Variants in LSM14A observed in about 807,000 individuals in gnomAD.
LSM14A encodes LSM14A mRNA processing body assembly factor, also known as protein LSM14 homolog A.
LSM14A carries 14 observed loss-of-function variants against 52.4 expected under a neutral mutation model. The ratio of observed to expected loss-of-function variants is 0.27; its 90% CI spans 0.18 to 0.42. The LOEUF (loss-of-function observed/expected upper bound fraction) is 0.42, where lower values mean the gene tolerates loss of function less well. Among genes scored for constraint, LSM14A ranks in the 10% least tolerant of loss-of-function variants. The pLI, the probability that LSM14A is intolerant of heterozygous loss-of-function variation, is 1.00. For missense variants in LSM14A, 417 were observed against 581.8 expected (o/e 0.72, Z 2.91); for synonymous variants, 185 against 200.3 (o/e 0.92, Z 0.64).
chr19:34,202,052 G>C (rs1337937433), intron 3 of LSM14A, among the ~76,000 whole-genome samples: 1 of 149,294 alleles, frequency 6.7e-6, no homozygotes, highest in African/African-American at 2.5e-5. Context: ...GAACTCCTGG[G>C]TTCAGTCTGC....
Position 34,172,674 on chromosome 19 carries a change from A to G in LSM14A, c.32A>G (p.Lys11Arg). 1.9e-6 allele frequency: 3 copies of G among 1,579,724 alleles called. No individual in the cohort carries two copies. Among genetic ancestry groups the G allele is most frequent in the East Asian group, 2.5e-5 (1 of 40,394 alleles). Residue 11 changes from lysine to arginine, a missense_variant, in exon 1 of 10, where the codon AAG becomes AGG. Transcript: ENST00000544216. MSGGTPYIGS[K>R]ISLISKAEIR... ...GGGGGCACCCCTTACATCGGCAGCA[A>G]GATCAGCCTCATCTCCAAGGCGGAG...
chr19:34,198,300 A>G (rs185658089), intron 3 of LSM14A, among the ~76,000 whole-genome samples: 16 of 131,844 alleles, frequency 1.2e-4, no homozygotes, highest in Admixed American at 1.0e-3. Flanking sequence ...AAAATAACAA[A>G]GAATGGCAAA....
intron 1 of LSM14A, among the ~76,000 whole-genome samples, chr19:34,184,129 C>T (rs1463750832): frequency 1.3e-5 from 2 of 149,414 alleles, no homozygotes; most frequent in Non-Finnish European, 3.0e-5. Context: ...AATCTTGGCT[C>T]ACTGCAGCTT....
intron 9 of LSM14A, chr19:34,222,040 A>C (rs2073096912): frequency 6.1e-6 from 1 of 164,728 alleles, no homozygotes; most frequent in Non-Finnish European, 1.3e-5. Context: ...AATAGCAGTT[A>C]ACATTTATAT....
chr19:34,173,687 C>G (rs140427890), intron 1 of LSM14A, among the ~76,000 whole-genome samples: 50 of 152,174 alleles, frequency 3.3e-4, no homozygotes, highest in Non-Finnish European at 5.6e-4. Flanking sequence ...GCTCCTGAAT[C>G]TTAAAGGAAA....
At chr19:34,226,768 C>T (rs576964024) in intron 9 of LSM14A, among the ~76,000 whole-genome samples, 17 of 152,268 alleles carry the variant, frequency 1.1e-4, no homozygotes, top group East Asian at 7.7e-4. Context: ...GGGTCAGTCT[C>T]TCTGGAAATC....
At chr19:34,209,548 T>C (rs1383277452) in intron 4 of LSM14A, among the ~76,000 whole-genome samples, 1 of 152,230 alleles carries the variant, frequency 6.6e-6, no homozygotes, top group Non-Finnish European at 1.5e-5. Context: ...TCAGAATCCC[T>C]GGAGCCTGAG....
At position 34,192,319 on chromosome 19, in the gene LSM14A, G is replaced by GTTTTTTTTTTTTTTTTTTTTTT. The variant is rs71165632; in HGVS notation, c.122-2157_122-2136dup. ...ACACTGAAATAACATTCTTTTTGTT[G>GTTTTTTTTTTTTTTTTTTTTTT]TTTTTTTTTTTTTTTTTTTTTTTGG... On this transcript the variant is annotated intron_variant, in intron 1 of 9. Coordinates refer to ENST00000544216, the MANE Select transcript of LSM14A (RefSeq NM_015578.4). Among the ~76,000 whole-genome samples the GTTTTTTTTTTTTTTTTTTTTTT allele has an allele frequency of 4.5e-4, 24 of 53,412 alleles. 2 individuals carry two copies. Among genetic ancestry groups the GTTTTTTTTTTTTTTTTTTTTTT allele is most frequent in the African/African-American group, 8.9e-4 (11 of 12,364 alleles). The allele number at this position is 53,412 out of a possible 152,430, so 35.0% of individuals were successfully genotyped here. A position where few individuals can be genotyped will look rare whatever the true frequency, so the allele number is the denominator to read the frequency against.
chr19:34,220,457 C>G (rs1168959507), intron 8 of LSM14A, among the ~76,000 whole-genome samples: 2 of 152,074 alleles, frequency 1.3e-5, no homozygotes, highest in African/African-American at 4.8e-5. Context: ...TCAAATGAAG[C>G]CAGAACCGAA....
intron 3 of LSM14A, among the ~76,000 whole-genome samples, chr19:34,199,094 CTT>C (rs2071095976): frequency 6.6e-6 from 1 of 152,010 alleles, no homozygotes; most frequent in Admixed American, 6.6e-5. Flanking sequence ...GAAAACTTGA[CTT>C]TGATTTGTAT....
chr19:34,196,498 A>G (rs1229401693), intron 2 of LSM14A, 136 bp from the exon 3 acceptor site: 7 of 734,210 alleles, frequency 9.5e-6, no homozygotes. Context: ...TTTAATATTA[A>G]GTGCATATTG....
At chr19:34,211,794 CA>C (rs945434131) in intron 4 of LSM14A, among the ~76,000 whole-genome samples, 32 of 144,232 alleles carry the variant, frequency 2.2e-4, no homozygotes, top group East Asian at 1.0e-3. Flanking sequence ...TGTCCCCCCC[CA>C]AAAAAAAAAG....
At chr19:34,203,909 A>C (rs2071496340) in intron 3 of LSM14A, among the ~76,000 whole-genome samples, 1 of 151,752 alleles carries the variant, frequency 6.6e-6, no homozygotes, top group Admixed American at 6.6e-5. Context: ...GAATTTAAAA[A>C]AAAAAAAAAA....
intron 1 of LSM14A, among the ~76,000 whole-genome samples, chr19:34,192,852 G>A (rs1209408419): frequency 2.0e-5 from 3 of 151,666 alleles, no homozygotes; most frequent in South Asian, 2.1e-4. Context: ...GGTGGCACAC[G>A]CCTGTAATCC....
chr19:34,183,084 C>T (rs1280370584), intron 1 of LSM14A, among the ~76,000 whole-genome samples: 1 of 152,062 alleles, frequency 6.6e-6, no homozygotes, highest in Non-Finnish European at 1.5e-5. Flanking sequence ...TTGGTTTTAT[C>T]ATTTGGAGAT....
intron 9 of LSM14A, chr19:34,226,608 T>A: frequency 1.5e-6 from 1 of 671,710 alleles, no homozygotes; most frequent in Non-Finnish European, 2.4e-6. Flanking sequence ...TGGTGTTGTA[T>A]ACACAGATGA....
At position 34,227,735 on chromosome 19, in the gene LSM14A, A is replaced by T; in HGVS notation, c.*347A>T. The T allele has an allele frequency of 4.5e-6, 1 of 220,200 alleles. No individual in the cohort carries two copies. Among genetic ancestry groups the T allele is most frequent in the Non-Finnish European group, 8.8e-6 (1 of 113,956 alleles). The allele number at this position is 220,200 out of a possible 1,614,324, so 13.6% of individuals were successfully genotyped here. A position where few individuals can be genotyped will look rare whatever the true frequency, so the allele number is the denominator to read the frequency against. On this transcript the variant is annotated 3_prime_UTR_variant, in exon 10 of 10. Transcript: ENST00000544216. ...TTTTTATCACTAAATTGTATTTGGC[A>T]ATTGCAAGTTGCCTGCAGATAGGGC... is the stretch of plus-strand genomic sequence containing the variant.
intron 4 of LSM14A, among the ~76,000 whole-genome samples, chr19:34,214,772 G>T (rs559501292): frequency 3.2e-4 from 48 of 150,242 alleles, no homozygotes; most frequent in African/African-American, 1.2e-3. Flanking sequence ...ACTACAACAT[G>T]ATAATTTGTA....
chr19:34,189,643 A>G (rs2070201803), intron 1 of LSM14A, among the ~76,000 whole-genome samples: 1 of 152,192 alleles, frequency 6.6e-6, no homozygotes, highest in Admixed American at 6.5e-5. Context: ...AAAAATGATT[A>G]GAACATAGTT....
Sources: gnomAD v4.1 joint callset for allele counts (sites outside exome capture counted in the v4.1 genomes callset) on GRCh38, gnomAD v4.1.1 for gene constraint, MANE v1.5 for transcripts, NCBI Gene and HGNC (gene_info 2026-07-23, HGNC 2026-07-21) for gene names.